Variants in CCDC30 observed in about 807,000 individuals in gnomAD.
The protein encoded by CCDC30 is coiled-coil domain-containing protein 30.
CCDC30 carries 70 observed loss-of-function variants against 100.2 expected under a neutral mutation model. The observed-to-expected ratio is 0.70, with a 90% CI of 0.58 to 0.85. CCDC30 has a LOEUF of 0.85. Among genes scored for constraint, CCDC30 ranks in the 40% least tolerant of loss-of-function variants. The pLI is 0.00. For missense variants in CCDC30, 652 were observed against 771.2 expected, an observed-to-expected ratio of 0.85 and a Z score of 1.83; for synonymous variants, 233 against 269.5, an observed-to-expected ratio of 0.86 and a Z score of 1.33.
At chr1:42,527,896 G>A (rs567565847) in intron 6 of CCDC30, among the ~76,000 whole-genome samples, 1 of 144,674 alleles carries the variant, frequency 6.9e-6, no homozygotes, top group East Asian at 2.0e-4. Context: ...ACCGAGTTTT[G>A]CTCTTGTCAC....
intron 4 of CCDC30, among the ~76,000 whole-genome samples, chr1:42,495,588 A>C (rs1644220186): frequency 6.6e-6 from 1 of 151,984 alleles, no homozygotes; most frequent in South Asian, 2.1e-4. Context: ...CCAGCTACTC[A>C]GGAGGCTGAG....
intron 8 of CCDC30, chr1:42,580,853 C>T: frequency 2.2e-6 from 1 of 456,194 alleles, no homozygotes; most frequent in Middle Eastern, 3.3e-4. Flanking sequence ...AATCTAGCCA[C>T]ACTGTGGAGA....
In CCDC30 at chr1:42,577,001, A is replaced by T; in HGVS notation, c.637-19A>T. On this transcript the variant is annotated intron_variant, in intron 7 of 16. Transcript: ENST00000668663. ...TTCCACACTTATTTGTATTACTCTT[A>T]CTTATTCTCTACCTCTAGATAAAGA... 6.4e-7 allele frequency: 1 copy of T among 1,556,814 alleles called. No individual in the cohort carries two copies. Among genetic ancestry groups the T allele is most frequent in the Non-Finnish European group, 8.9e-7 (1 of 1,129,794 alleles).
At chr1:42,460,102 T>C, upstream of CCDC30, 1 of 1,364,278 alleles carries the variant, frequency 7.3e-7, no homozygotes, top group Non-Finnish European at 9.4e-7. Context: ...TATGATGTCA[T>C]TTTGATTTTG....
chr1:42,530,389 G>A (rs746798309), intron 6 of CCDC30, among the ~76,000 whole-genome samples: 3 of 152,050 alleles, frequency 2.0e-5, no homozygotes, highest in Non-Finnish European at 4.4e-5. Flanking sequence ...CTTTATCTTA[G>A]TTATGTATAC....
chr1:42,525,966 A>G (rs1644717803), intron 6 of CCDC30, among the ~76,000 whole-genome samples: 1 of 152,174 alleles, frequency 6.6e-6, no homozygotes, highest in Non-Finnish European at 1.5e-5. Flanking sequence ...TGTGTGGCTC[A>G]GTATTCAGGA....
intron 7 of CCDC30, among the ~76,000 whole-genome samples, chr1:42,571,959 A>G (rs1645742288): frequency 6.6e-6 from 1 of 152,244 alleles, no homozygotes; most frequent in Non-Finnish European, 1.5e-5. Context: ...GTAGCAAGAT[A>G]TATGAATAGA....
chr1:42,566,035 A>G (rs922939459), intron 6 of CCDC30, among the ~76,000 whole-genome samples: 1 of 152,066 alleles, frequency 6.6e-6, no homozygotes, highest in Non-Finnish European at 1.5e-5. Context: ...GATATGAAAA[A>G]TAAGGTAAGT....
chr1:42,649,790 T>C (rs1648180361), intron 15 of CCDC30, among the ~76,000 whole-genome samples: 1 of 152,116 alleles, frequency 6.6e-6, no homozygotes, highest in Admixed American at 6.6e-5. Flanking sequence ...GTAGTGCTTC[T>C]ATACACCAAT....
chr1:42,550,634 A>G (rs1248576099), intron 6 of CCDC30, among the ~76,000 whole-genome samples: 9 of 152,200 alleles, frequency 5.9e-5, no homozygotes, highest in African/African-American at 2.2e-4. Context: ...CCTAACTGCC[A>G]TGTCTAGGCA....
At chr1:42,457,091 A>G in the CCDC30 span, 6 of 1,580,874 alleles carry the variant, frequency 3.8e-6, no homozygotes, top group South Asian at 2.3e-5. Context: ...CCCTAGGAGT[A>G]CCCCTTTTGC....
At chr1:42,656,404 G>A (rs1176143208), downstream of CCDC30, among the ~76,000 whole-genome samples, 1 of 152,190 alleles carries the variant, frequency 6.6e-6, no homozygotes, top group Non-Finnish European at 1.5e-5. Flanking sequence ...GCCGAGGCAG[G>A]TGGATCACTT....
chr1:42,517,147 G>A (rs1232233972), intron 6 of CCDC30, among the ~76,000 whole-genome samples: 1 of 152,116 alleles, frequency 6.6e-6, no homozygotes, highest in African/African-American at 2.4e-5. Flanking sequence ...GCAATGGTAA[G>A]ATCATAGCTC....
At chr1:42,456,477 G>A in the CCDC30 span, 2 of 1,366,214 alleles carry the variant, frequency 1.5e-6, no homozygotes, top group Non-Finnish European at 1.9e-6. Flanking sequence ...CGCCCACTCA[G>A]TACGGCGCGG....
chr1:42,628,494 G>A (rs1294687410), intron 11 of CCDC30, among the ~76,000 whole-genome samples: 1 of 152,096 alleles, frequency 6.6e-6, no homozygotes, highest in Non-Finnish European at 1.5e-5. Context: ...GAATGATATG[G>A]TTTGGCTTTG....
chr1:42,555,986 G>A lies in CCDC30; in HGVS notation c.457-10310G>A, dbSNP rs547514342. The stretch of plus-strand genomic sequence containing the variant: ...ATTACAGGCATGAACCACCATGCCC[G>A]GCCGACTTATGTTTTTAAAGTTTAT... On this transcript the variant is annotated intron_variant, in intron 6 of 16. Transcript: ENST00000668663. Among the ~76,000 whole-genome samples, 9 of 152,234 alleles carry A rather than the reference G, an allele frequency of 5.9e-5. No individual in the cohort carries two copies. In the South Asian group the frequency reaches 8.3e-4, roughly 14 times the overall value.
intron 3 of CCDC30, among the ~76,000 whole-genome samples, chr1:42,488,964 TA>T (rs2148464083): frequency 6.6e-6 from 1 of 152,332 alleles, no homozygotes; most frequent in African/African-American, 2.4e-5. Flanking sequence ...CAGGCAGTAT[TA>T]GACTATATGT....
intron 3 of CCDC30, among the ~76,000 whole-genome samples, chr1:42,487,189 TG>T: frequency 6.6e-6 from 1 of 151,416 alleles, no homozygotes; most frequent in Admixed American, 6.6e-5. Context: ...ATTGACTAAG[TG>T]CATATGATTT....
chr1:42,640,103 C>T (rs1382787067), intron 12 of CCDC30, among the ~76,000 whole-genome samples: 1 of 152,118 alleles, frequency 6.6e-6, no homozygotes, highest in African/African-American at 2.4e-5. Context: ...GTGGTACAAA[C>T]CTAGGAATTC....
Sources: allele counts gnomAD v4.1 joint callset (sites outside exome capture counted in the v4.1 genomes callset), GRCh38; gene constraint gnomAD v4.1.1; transcripts MANE v1.5; gene names NCBI Gene and HGNC (gene_info 2026-07-23, HGNC 2026-07-21).